ROBO2: variants seen among roughly 807,000 people sequenced by gnomAD.
ROBO2 encodes the protein roundabout guidance receptor 2, also known as roundabout homolog 2.
A neutral mutation model predicts 160.8 loss-of-function variants in ROBO2; 53 were observed. The observed-to-expected ratio is 0.33, with a 90% CI of 0.26 to 0.41. The LOEUF (loss-of-function observed/expected upper bound fraction) is 0.41, where lower values mean the gene tolerates loss of function less well. Ranked by LOEUF, ROBO2 falls within the 10% of genes least tolerant of loss-of-function variation. The pLI is 1.00. For synonymous variants in ROBO2, 664 were observed against 611.7 expected (o/e 1.09, Z -1.26); for missense variants, 1,577 against 1,722.4 (o/e 0.92, Z 1.49).
chr3:77,084,692 A>C (rs947212329), intron 1 of ROBO2, among the ~76,000 whole-genome samples: 8 of 152,128 alleles, frequency 5.3e-5, no homozygotes, highest in African/African-American at 1.9e-4. Context: ...CTTCAAAGTA[A>C]ATGGGCTGAG....
At chr3:76,030,347 C>T (rs1487146073) in intron 2 of ROBO2, among the ~76,000 whole-genome samples, 1 of 152,136 alleles carries the variant, frequency 6.6e-6, no homozygotes. Flanking sequence ...GTTTCTTTTG[C>T]TGGGCAGAAG....
At chr3:75,912,665 A>G (rs1353475035) in intron 1 of ROBO2, among the ~76,000 whole-genome samples, 2 of 152,210 alleles carry the variant, frequency 1.3e-5, no homozygotes, top group Non-Finnish European at 1.5e-5. Context: ...GCTTACGTGT[A>G]GCTGCGTGGA....
chr3:76,484,135 C>T (rs1370559970), intron 2 of ROBO2, among the ~76,000 whole-genome samples: 1 of 152,118 alleles, frequency 6.6e-6, no homozygotes, highest in Admixed American at 6.6e-5. Context: ...TTTGAGGAAT[C>T]ACCATTCTGC....
chr3:76,841,366 C>T (rs2068242425), intron 2 of ROBO2, among the ~76,000 whole-genome samples: 1 of 152,106 alleles, frequency 6.6e-6, no homozygotes, highest in Admixed American at 6.6e-5. Flanking sequence ...GTGTTTATAA[C>T]TTATAGATGC....
intron 2 of ROBO2, among the ~76,000 whole-genome samples, chr3:76,349,838 C>T (rs1364136966): frequency 5.3e-5 from 8 of 151,996 alleles, no homozygotes; most frequent in Non-Finnish European, 1.0e-4. Context: ...CAGATGACAC[C>T]TGCATATATG....
intron 2 of ROBO2, among the ~76,000 whole-genome samples, chr3:76,114,164 C>G (rs1414682942): frequency 2.0e-5 from 3 of 152,130 alleles, no homozygotes; most frequent in Non-Finnish European, 2.9e-5. Flanking sequence ...CTCTTAAAGT[C>G]CCACCTTTCA....
rs189657383 is a variant in ROBO2 at position 76,317,506 on chromosome 3, A to G, written c.109+379904A>G. 4.6e-5 allele frequency among the ~76,000 whole-genome samples: 7 copies of G among 152,312 alleles called. No homozygotes were observed. The East Asian group carries it at 5.8e-4, about 13-fold the overall frequency. ...GTTCAAAAGTAATTTATAATGTGAG[A>G]TTGGGAATCTGGAAACTGAACTGTA... On this transcript the variant is annotated intron_variant, in intron 2 of 26. Transcript: ENST00000487694.
At chr3:77,319,824 C>T (rs909347009) in intron 2 of ROBO2, among the ~76,000 whole-genome samples, 4 of 152,128 alleles carry the variant, frequency 2.6e-5, no homozygotes, top group Admixed American at 1.3e-4. Context: ...TGAAAATGCA[C>T]TTAGAAACTC....
At chr3:77,140,843 A>AAACC (rs1345005759) in intron 2 of ROBO2, among the ~76,000 whole-genome samples, 26 of 152,338 alleles carry the variant, frequency 1.7e-4, no homozygotes, top group African/African-American at 6.0e-4. Context: ...TGTTTCAAAG[A>AAACC]AACCTATAAT....
At chr3:76,453,067 G>A (rs1304036405) in intron 2 of ROBO2, among the ~76,000 whole-genome samples, 1 of 152,058 alleles carries the variant, frequency 6.6e-6, no homozygotes, top group Admixed American at 6.5e-5. Context: ...TGTAGATTCT[G>A]GATATTAGCC....
At chr3:76,235,575 G>T (rs1177662533) in intron 2 of ROBO2, among the ~76,000 whole-genome samples, 2 of 152,050 alleles carry the variant, frequency 1.3e-5, no homozygotes, top group Non-Finnish European at 2.9e-5. Context: ...TTCTGAATTA[G>T]TATTGAAGAA....
Position 76,270,584 on chromosome 3 carries a change from T to C in ROBO2, c.109+332982T>C, listed in dbSNP as rs560001153. 3.3e-5 allele frequency among the ~76,000 whole-genome samples: 5 copies of C among 152,210 alleles called. No homozygotes were observed. The East Asian group carries it at 9.6e-4, about 29-fold the overall frequency. ...TACTACTCATTGTTCTGGATGCAGC[T>C]TAGATTCGTGTTTGATTCAACATTT... is the stretch of plus-strand genomic sequence containing the variant. On this transcript the variant is annotated intron_variant, in intron 2 of 26. Transcript: ENST00000487694.
At chr3:75,922,757 T>A (rs1049671888) in intron 1 of ROBO2, among the ~76,000 whole-genome samples, 3 of 152,168 alleles carry the variant, frequency 2.0e-5, no homozygotes, top group African/African-American at 7.2e-5. Context: ...CTCTGAAAGT[T>A]GTCACTTATG....
intron 2 of ROBO2, among the ~76,000 whole-genome samples, chr3:76,302,746 C>G (rs1709427683): frequency 6.6e-6 from 1 of 152,032 alleles, no homozygotes; most frequent in African/African-American, 2.4e-5. Flanking sequence ...GCAAACTATA[C>G]CATCTAGGTT....
At chr3:76,414,628 A>AG (rs1431785899) in intron 2 of ROBO2, among the ~76,000 whole-genome samples, 2 of 47,116 alleles carry the variant, frequency 4.2e-5, no homozygotes, top group Admixed American at 3.3e-4. Context: ...GGGAGGGGGG[A>AG]GGGGGGAGGG....
At chr3:75,965,834 A>T (rs2107316680) in intron 2 of ROBO2, among the ~76,000 whole-genome samples, 1 of 151,788 alleles carries the variant, frequency 6.6e-6, no homozygotes, top group Admixed American at 6.6e-5. Flanking sequence ...ATATCCCTGC[A>T]TTCTTATCAT....
chr3:76,035,884 C>G (rs1306536207), intron 2 of ROBO2, among the ~76,000 whole-genome samples: 1 of 151,916 alleles, frequency 6.6e-6, no homozygotes, highest in Admixed American at 6.6e-5. Context: ...TCTCCTTCAC[C>G]CTCTAAAACA....
intron 11 of ROBO2, 62 bp from the exon 13 acceptor site, chr3:77,564,892 C>T (rs1582978790): frequency 2.7e-6 from 4 of 1,489,662 alleles, no homozygotes; most frequent in African/African-American, 1.4e-5. Flanking sequence ...TCATTGATAC[C>T]CAACTCCATT....
intron 2 of ROBO2, among the ~76,000 whole-genome samples, chr3:77,002,799 C>T (rs1248299929): frequency 6.6e-6 from 1 of 151,952 alleles, no homozygotes; most frequent in Non-Finnish European, 1.5e-5. Flanking sequence ...CTGGCACACC[C>T]ATGAAAGTCA....
Sources: allele counts gnomAD v4.1 joint callset (sites outside exome capture counted in the v4.1 genomes callset), GRCh38; gene constraint gnomAD v4.1.1; transcripts MANE v1.5; gene names NCBI Gene and HGNC (gene_info 2026-07-23, HGNC 2026-07-21).